The following LPIN1 variants were observed in gnomAD, a reference collection of about 807,000 sequenced individuals.
The protein encoded by LPIN1 is lipin 1.
Under a neutral mutation model 107.5 loss-of-function variants are expected in LPIN1, and 71 were observed. The ratio of observed to expected loss-of-function variants is 0.66; its 90% confidence interval spans 0.55 to 0.80. LPIN1 has a LOEUF of 0.80. Among genes scored for constraint, LPIN1 ranks in the 30% least tolerant of loss-of-function variants. LPIN1 has a pLI of 0.00. For synonymous variants in LPIN1, 445 were observed against 452.6 expected (o/e 0.98, Z 0.21); for missense variants, 1,043 against 1,160.6 (o/e 0.90, Z 1.47).
chr2:11,800,469 G>A (rs562212287), intron 14 of LPIN1, among the ~76,000 whole-genome samples: 7 of 152,152 alleles, frequency 4.6e-5, no homozygotes, highest in South Asian at 2.1e-4. Context: ...GTGCAATGGC[G>A]CATTCTTGGC....
At chr2:11,747,106 T>C (rs921965426) in intron 1 of LPIN1, among the ~76,000 whole-genome samples, 21 of 152,136 alleles carry the variant, frequency 1.4e-4, no homozygotes, top group African/African-American at 5.1e-4. Context: ...AGCCTTTCTT[T>C]CCCCCGGAGT....
At chr2:11,761,018 C>A (rs1669742164) in intron 1 of LPIN1, among the ~76,000 whole-genome samples, 1 of 152,222 alleles carries the variant, frequency 6.6e-6, no homozygotes. Context: ...CCCCTCTTCA[C>A]CAGCCCTGTG....
In LPIN1 at chr2:11,776,120, C is replaced by A; in HGVS notation, c.757C>A (p.Leu253Ile). The A allele has an allele frequency of 6.5e-7, 1 of 1,548,706 alleles. No individual in the cohort carries two copies. Among genetic ancestry groups the A allele is most frequent in the Non-Finnish European group, 8.7e-7 (1 of 1,145,744 alleles). The change falls in exon 6 of 21, where the codon CTT becomes ATT. Residue 253 changes from leucine to isoleucine, a missense_variant. Transcript: ENST00000674199. ...AGATTGCAAAAGGACTGCCCCTCAT[C>A]TTGCAGTTGCGGCCGAGGGAGGTCT... ...LVDCKRTAPH[L>I]AVAAEGGLSS...
chr2:11,793,668 C>T (rs1676175749), intron 13 of LPIN1, among the ~76,000 whole-genome samples: 1 of 152,206 alleles, frequency 6.6e-6, no homozygotes, highest in Non-Finnish European at 1.5e-5. Flanking sequence ...CCCCTCTCCC[C>T]TGCTTCGCTT....
intron 2 of LPIN1, among the ~76,000 whole-genome samples, chr2:11,766,285 G>T (rs1670871037): frequency 6.6e-6 from 1 of 151,778 alleles, no homozygotes; most frequent in Admixed American, 6.6e-5. Flanking sequence ...TGCTCTACTG[G>T]TTGGGGCCAT....
At chr2:11,770,592 C>T (rs16857866) in intron 3 of LPIN1, among the ~76,000 whole-genome samples, 22,698 of 152,164 alleles carry the variant, frequency 0.15, 4,905 homozygotes, top group African/African-American at 0.48. Flanking sequence ...TGATGCTCTC[C>T]AAACCTATTT....
chr2:11,767,953 C>T (rs542573341), intron 3 of LPIN1, 95 bp downstream of exon 3: 135 of 833,102 alleles, frequency 1.6e-4, no homozygotes, highest in Middle Eastern at 4.3e-4. Flanking sequence ...AAAGTAATAC[C>T]GGCCGTGGCT....
intron 1 of LPIN1, among the ~76,000 whole-genome samples, chr2:11,683,841 C>T (rs961013751): frequency 1.3e-5 from 2 of 152,206 alleles, no homozygotes; most frequent in African/African-American, 4.8e-5. Context: ...GCTTGGAATC[C>T]TGGCTCTGCT....
intron 1 of LPIN1, among the ~76,000 whole-genome samples, chr2:11,709,932 T>C (rs75822453): frequency 3.3e-5 from 5 of 152,302 alleles, no homozygotes; most frequent in African/African-American, 1.2e-4. Flanking sequence ...CAGCAAATCA[T>C]GGCAAGAACG....
chr2:11,694,191 G>A (rs1363740879), intron 1 of LPIN1, among the ~76,000 whole-genome samples: 2 of 152,028 alleles, frequency 1.3e-5, no homozygotes, highest in Admixed American at 1.3e-4. Context: ...GCATGAATTA[G>A]TCATTTTGGA....
At chr2:11,726,631 G>A (rs949251716) in intron 1 of LPIN1, among the ~76,000 whole-genome samples, 5 of 152,020 alleles carry the variant, frequency 3.3e-5, no homozygotes, top group Non-Finnish European at 7.4e-5. Context: ...CGAGCCTCTG[G>A]GACTTTAGCA....
At chr2:11,735,755 C>T (rs149993431) in intron 1 of LPIN1, among the ~76,000 whole-genome samples, 54 of 152,360 alleles carry the variant, frequency 3.5e-4, no homozygotes, top group Non-Finnish European at 5.3e-4. Flanking sequence ...AGGCAAACAG[C>T]ATTTACATTC....
intron 17 of LPIN1, among the ~76,000 whole-genome samples, chr2:11,807,052 C>G (rs1678826019): frequency 6.6e-6 from 1 of 152,088 alleles, no homozygotes; most frequent in Admixed American, 6.5e-5. Flanking sequence ...TCCCCTATTG[C>G]CAACAGTGAT....
At chr2:11,686,465 A>T (rs1431052814) in intron 1 of LPIN1, among the ~76,000 whole-genome samples, 1 of 152,164 alleles carries the variant, frequency 6.6e-6, no homozygotes, top group African/African-American at 2.4e-5. Flanking sequence ...TCCGGGAAAG[A>T]TGGAGGCTGG....
At chr2:11,764,123 G>C (rs1332148728) in intron 1 of LPIN1, 1 of 115,414 alleles carries the variant, frequency 8.7e-6, no homozygotes, top group Non-Finnish European at 1.8e-5. Context: ...CACACACAAC[G>C]ACTAAAATAT....
intron 18 of LPIN1, 151 bp downstream of exon 18, chr2:11,815,391 C>T: frequency 2.0e-6 from 2 of 1,024,882 alleles, no homozygotes; most frequent in African/African-American, 1.6e-5. Flanking sequence ...ATTCCAAACA[C>T]AGGTCTACAC....
chr2:11,733,743 C>T (rs1186853237), intron 1 of LPIN1, among the ~76,000 whole-genome samples: 2 of 152,188 alleles, frequency 1.3e-5, no homozygotes, highest in African/African-American at 2.4e-5. Context: ...CTTCCCGCCT[C>T]GGCCTCCCAA....
At chr2:11,744,354 C>A (rs531734600), upstream of LPIN1, among the ~76,000 whole-genome samples, 9 of 152,344 alleles carry the variant, frequency 5.9e-5, no homozygotes, top group East Asian at 1.7e-3. Flanking sequence ...AGCGCCAGGG[C>A]TTTGGAAAGT....
At position 11,807,841 on chromosome 2, in the gene LPIN1, C is replaced by T. The variant is rs1678980177; in HGVS notation, c.2249+2685C>T. 3.3e-5 allele frequency among the ~76,000 whole-genome samples: 5 copies of T among 152,286 alleles called. No homozygotes were observed. In the South Asian group the frequency reaches 1.0e-3, roughly 32 times the overall value. On this transcript the variant is annotated intron_variant, in intron 17 of 20. Coordinates refer to ENST00000674199, the MANE Select transcript of LPIN1 (RefSeq NM_001349206.2). ...TTTCTACAACCTTCAGGGCTCCCTG[C>T]TCAGCACTGTAGGAGGAGGTGCCAG... is the stretch of plus-strand genomic sequence containing the variant.
Sources: allele counts gnomAD v4.1 joint callset (sites outside exome capture counted in the v4.1 genomes callset), GRCh38; gene constraint gnomAD v4.1.1; transcripts MANE v1.5; gene names NCBI Gene and HGNC (gene_info 2026-07-23, HGNC 2026-07-21).